Variants in CYRIA observed in about 807,000 individuals in gnomAD.
The protein encoded by CYRIA is CYFIP-related Rac1 interactor A.
In CYRIA, 15 loss-of-function variants were observed where a neutral mutation model predicts 43.9. The ratio of observed to expected loss-of-function variants is 0.34; its 90% CI spans 0.23 to 0.53. The LOEUF is 0.53. Ranked by LOEUF, CYRIA falls within the 20% of genes least tolerant of loss-of-function variation. The pLI, the probability that CYRIA is intolerant of heterozygous loss-of-function variation, is 0.94. For synonymous variants in CYRIA, 117 were observed against 136.0 expected (o/e 0.86, Z 0.97); for missense variants, 236 against 394.2 (o/e 0.60, Z 3.40).
At chr2:16,641,866 C>T (rs1372564002) in intron 1 of CYRIA, among the ~76,000 whole-genome samples, 3 of 152,214 alleles carry the variant, frequency 2.0e-5, no homozygotes, top group African/African-American at 7.2e-5. Context: ...GGTCAACTCT[C>T]TCTTCATCTT....
chr2:16,623,346 A>G (rs1172576312), intron 2 of CYRIA, among the ~76,000 whole-genome samples: 3 of 152,216 alleles, frequency 2.0e-5, no homozygotes, highest in Non-Finnish European at 4.4e-5. Flanking sequence ...AAGCAGACAG[A>G]GACATTGCGT....
At chr2:16,585,711 T>C (rs1164085968) in intron 3 of CYRIA, among the ~76,000 whole-genome samples, 1 of 152,090 alleles carries the variant, frequency 6.6e-6, no homozygotes, top group African/African-American at 2.4e-5. Context: ...GACCTTTCTT[T>C]ACATAAAACA....
At chr2:16,566,221 A>G (rs1332930708) in intron 3 of CYRIA, among the ~76,000 whole-genome samples, 1 of 152,170 alleles carries the variant, frequency 6.6e-6, no homozygotes, top group Non-Finnish European at 1.5e-5. Context: ...TGTACTGTTC[A>G]TTGATATTAA....
intron 3 of CYRIA, among the ~76,000 whole-genome samples, chr2:16,573,110 A>G (rs965998722): frequency 2.0e-5 from 3 of 152,250 alleles, no homozygotes; most frequent in Non-Finnish European, 2.9e-5. Flanking sequence ...GATGTTCTGC[A>G]TATAGTTTCT....
intron 1 of CYRIA, among the ~76,000 whole-genome samples, chr2:16,629,754 T>G (rs557577832): frequency 1.3e-5 from 2 of 152,332 alleles, no homozygotes; most frequent in East Asian, 3.9e-4. Flanking sequence ...ATAGACCTTT[T>G]TGCAAATTAG....
chr2:16,582,826 G>A (rs1450867156), intron 3 of CYRIA, among the ~76,000 whole-genome samples: 1 of 152,098 alleles, frequency 6.6e-6, no homozygotes, highest in African/African-American at 2.4e-5. Context: ...GAACATTAAT[G>A]TACAAATTCT....
chr2:16,609,049 A>C (rs1216469632), intron 2 of CYRIA, among the ~76,000 whole-genome samples: 1 of 152,174 alleles, frequency 6.6e-6, no homozygotes, highest in Non-Finnish European at 1.5e-5. Flanking sequence ...ATGCAGGCGA[A>C]GGCGAGTGCA....
In CYRIA at chr2:16,549,969, A is replaced by C. The variant is rs1666235248; in HGVS notation, c.*2967T>G. 1 of 150,328 alleles carries C rather than the reference A, an allele frequency of 6.7e-6. No homozygotes were observed. The highest frequency in any genetic ancestry group is 6.7e-5 in the Admixed American group (1 of 14,948). 9.3% of individuals were successfully genotyped at this position (150,328 alleles called of 1,614,324 possible). A position where few individuals can be genotyped will look rare whatever the true frequency, so the allele number is the denominator to read the frequency against. On this transcript the variant is annotated 3_prime_UTR_variant, in exon 12 of 12. Coordinates refer to ENST00000381323, the MANE Select transcript of CYRIA (RefSeq NM_030797.4). ...TGTTAATACTCCACCCCTAATGTGA[A>C]GACATCCATTTCCAGTTGTTTTTTT...
chr2:16,611,570 G>A (rs1668603360), intron 2 of CYRIA, among the ~76,000 whole-genome samples: 1 of 152,182 alleles, frequency 6.6e-6, no homozygotes, highest in African/African-American at 2.4e-5. Context: ...GGGGAAAGGA[G>A]TCTAAAAGAG....
At chr2:16,607,349 C>G (rs1293052750) in intron 2 of CYRIA, among the ~76,000 whole-genome samples, 1 of 151,914 alleles carries the variant, frequency 6.6e-6, no homozygotes, top group Non-Finnish European at 1.5e-5. Flanking sequence ...GAGACAGAAT[C>G]CAGGGAGCAA....
Position 16,575,288 on chromosome 2 carries a change from G to T in CYRIA, c.71-9521C>A, listed in dbSNP as rs560737522. On this transcript the variant is annotated intron_variant, in intron 3 of 11. Coordinates refer to ENST00000381323, the MANE Select transcript of CYRIA (RefSeq NM_030797.4). ...CTTGCCTTATCCCAGATGAGACTTTGGTCTTTGGACTTTTGAGTTAATGCT... is the reference window on the plus strand; with the variant it reads ...CTTGCCTTATCCCAGATGAGACTTTTGTCTTTGGACTTTTGAGTTAATGCT... Among the ~76,000 whole-genome samples, 3 of 152,220 alleles carry T rather than the reference G, an allele frequency of 2.0e-5. No homozygotes were observed. In the South Asian group the frequency reaches 6.2e-4, roughly 32 times the overall value.
chr2:16,660,989 C>A (rs1406518828), intron 1 of CYRIA, among the ~76,000 whole-genome samples: 1 of 152,202 alleles, frequency 6.6e-6, no homozygotes, highest in Non-Finnish European at 1.5e-5. Flanking sequence ...CTTTTCAATA[C>A]CTCCAGCTTC....
intron 1 of CYRIA, among the ~76,000 whole-genome samples, chr2:16,642,530 TG>T (rs1249041172): frequency 6.6e-6 from 1 of 152,208 alleles, no homozygotes; most frequent in Non-Finnish European, 1.5e-5. Context: ...GACACCCTGT[TG>T]TTTTCTTGCC....
At chr2:16,578,475 T>C (rs1269700689) in intron 3 of CYRIA, among the ~76,000 whole-genome samples, 1 of 152,156 alleles carries the variant, frequency 6.6e-6, no homozygotes, top group Admixed American at 6.5e-5. Flanking sequence ...ACTATAAAAA[T>C]ATGTTAAAGA....
At chr2:16,606,059 G>T (rs559605820) in intron 2 of CYRIA, among the ~76,000 whole-genome samples, 426 of 151,958 alleles carry the variant, frequency 2.8e-3, no homozygotes, top group Non-Finnish European at 4.7e-3. Context: ...CCACCCATAG[G>T]CAGATGACTC....
At chr2:16,661,676 A>G (rs200757858) in intron 1 of CYRIA, among the ~76,000 whole-genome samples, 1 of 152,134 alleles carries the variant, frequency 6.6e-6, no homozygotes, top group East Asian at 1.9e-4. Flanking sequence ...GACTGGTTCC[A>G]CCCCTGTTAA....
At position 16,559,466 on chromosome 2, in the gene CYRIA, C is replaced by A; in HGVS notation, c.831G>T (p.Lys277Asn). 1 of 1,612,446 alleles carries A rather than the reference C, an allele frequency of 6.2e-7. No individual in the cohort carries two copies. The highest frequency in any genetic ancestry group is 2.2e-5 in the East Asian group (1 of 44,844). The change falls in exon 10 of 12, where the codon AAG (lysine) becomes AAT (asparagine). Residue 277 changes from lysine (K) to asparagine (N), a missense_variant. Physicochemically the swap from Lys to Asn is moderately conservative, Grantham distance 94 (BLOSUM62 0). Transcript: ENST00000381323. The stretch of plus-strand genomic sequence containing the variant: ...ATTTCACAACTATTCTTACATCGAT[C>A]TTGGATGTCTTGCAGAAAGCTCCCA... ...HPVGAFCKTS[K>N]IDMKGCIKVL...
intron 4 of CYRIA, 75 bp downstream of exon 4, chr2:16,565,571 G>C: frequency 7.1e-7 from 1 of 1,408,372 alleles, no homozygotes; most frequent in Non-Finnish European, 9.5e-7. Context: ...TAATCTTGCT[G>C]TGTGTGTCTG....
intron 2 of CYRIA, among the ~76,000 whole-genome samples, chr2:16,612,528 G>T (rs975526534): frequency 1.5e-4 from 23 of 152,158 alleles, no homozygotes; most frequent in Non-Finnish European, 2.6e-4. Flanking sequence ...AGTGAAATAT[G>T]TCCTCAATGA....
Sources: allele counts gnomAD v4.1 joint callset (sites outside exome capture counted in the v4.1 genomes callset), GRCh38; gene constraint gnomAD v4.1.1; transcripts MANE v1.5; gene names NCBI Gene and HGNC (gene_info 2026-07-23, HGNC 2026-07-21).